MICU2: variants seen among roughly 807,000 people sequenced by gnomAD.
MICU2 encodes mitochondrial calcium uptake 2, also known as calcium uptake protein 2, mitochondrial.
MICU2 carries 64 observed loss-of-function variants against 60.4 expected under a neutral mutation model. That is an observed-to-expected ratio of 1.06 (90% CI 0.87 to 1.31). MICU2 has a LOEUF of 1.31. Among genes scored for constraint, MICU2 ranks in the 50% most tolerant of loss-of-function variants. The pLI, the probability that MICU2 is intolerant of heterozygous loss-of-function variation, is 0.00. For synonymous variants in MICU2, 201 were observed against 175.0 expected (o/e 1.15, Z -1.17); for missense variants, 569 against 531.0 (o/e 1.07, Z -0.70).
At chr13:21,507,458 T>C (rs1886316627) in intron 8 of MICU2, among the ~76,000 whole-genome samples, 2 of 152,126 alleles carry the variant, frequency 1.3e-5, no homozygotes, top group Admixed American at 1.3e-4. Flanking sequence ...TTAAAAAACA[T>C]TGAGAGACTG....
At chr13:21,505,457 C>G (rs982135701) in intron 8 of MICU2, among the ~76,000 whole-genome samples, 1 of 152,148 alleles carries the variant, frequency 6.6e-6, no homozygotes, top group African/African-American at 2.4e-5. Context: ...TTTAAATTAT[C>G]TGCTGCTTTC....
intron 4 of MICU2, among the ~76,000 whole-genome samples, chr13:21,528,867 T>G (rs899364054): frequency 6.6e-6 from 1 of 152,198 alleles, no homozygotes; most frequent in Non-Finnish European, 1.5e-5. Context: ...CTTGCGTTAA[T>G]TCTCCAATGA....
At chr13:21,533,505 A>G (rs1296918896) in intron 4 of MICU2, among the ~76,000 whole-genome samples, 1 of 150,982 alleles carries the variant, frequency 6.6e-6, no homozygotes, top group Non-Finnish European at 1.5e-5. Context: ...TTGTATTTTT[A>G]GTAGAGACGG....
At chr13:21,594,885 G>C (rs931785483) in intron 1 of MICU2, among the ~76,000 whole-genome samples, 2 of 152,224 alleles carry the variant, frequency 1.3e-5, no homozygotes, top group Non-Finnish European at 2.9e-5. Flanking sequence ...TTAGGGGGTG[G>C]GGATTGAGGG....
rs1304765244 is a variant in MICU2, at chr13:21,604,149, C to G, written c.-1G>C. 6.4e-7 allele frequency: 1 copy of G among 1,552,956 alleles called. No homozygotes were observed. The highest frequency in any genetic ancestry group is 1.4e-5 in the African/African-American group (1 of 71,926). The stretch of plus-strand genomic sequence containing the variant: ...CGCAGCTACCCGCAGCCGCCGCCAT[C>G]TTTGCGGAAGCGCAGCTAGGCGGCG... On this transcript the variant is annotated 5_prime_UTR_variant, in exon 1 of 12. Coordinates refer to ENST00000382374, the MANE Select transcript of MICU2 (RefSeq NM_152726.3).
At chr13:21,565,303 G>A (rs564187348) in intron 2 of MICU2, among the ~76,000 whole-genome samples, 1 of 152,158 alleles carries the variant, frequency 6.6e-6, no homozygotes, top group Admixed American at 6.5e-5. Flanking sequence ...CAAGGGGGGT[G>A]GATTACCTGA....
Position 21,493,035 on chromosome 13 carries a change from AG to A in MICU2, c.*213del. The A allele has an allele frequency of 2.9e-6, 1 of 343,492 alleles. No individual in the cohort carries two copies. The highest frequency in any genetic ancestry group is 5.2e-6 in the Non-Finnish European group (1 of 191,090). 21.3% of individuals were successfully genotyped at this position (343,492 alleles called of 1,614,324 possible). ...AAGTACAAAACATTATTTCAAATCT[AG>A]GCCTTCTGACAGAATCCAATATCTA... On this transcript the variant is annotated 3_prime_UTR_variant, in exon 12 of 12. Coordinates refer to ENST00000382374, the MANE Select transcript of MICU2 (RefSeq NM_152726.3).
chr13:21,525,133 T>C (rs1886816435), intron 4 of MICU2, among the ~76,000 whole-genome samples: 2 of 150,774 alleles, frequency 1.3e-5, no homozygotes, highest in Admixed American at 1.3e-4. Context: ...TTTGGGTATA[T>C]ACCCAGAAGC....
intron 8 of MICU2, among the ~76,000 whole-genome samples, chr13:21,505,664 A>G (rs759036658): frequency 2.0e-5 from 3 of 152,174 alleles, no homozygotes; most frequent in Non-Finnish European, 4.4e-5. Flanking sequence ...TCTACTGTAT[A>G]TGACTGTCCT....
intron 9 of MICU2, among the ~76,000 whole-genome samples, chr13:21,497,243 T>TA (rs1376475261): frequency 6.7e-6 from 1 of 149,756 alleles, no homozygotes; most frequent in African/African-American, 2.5e-5. Flanking sequence ...TGCACACCTG[T>TA]AGTCCCAGCT....
chr13:21,594,649 T>C (rs181725546), intron 1 of MICU2, among the ~76,000 whole-genome samples: 46 of 152,170 alleles, frequency 3.0e-4, no homozygotes, highest in African/African-American at 8.4e-4. Flanking sequence ...CAATGACAGA[T>C]TGAATAAAGA....
chr13:21,524,547 G>A (rs1886802024), intron 4 of MICU2, among the ~76,000 whole-genome samples: 1 of 152,176 alleles, frequency 6.6e-6, no homozygotes, highest in Admixed American at 6.5e-5. Flanking sequence ...GTGTTCAAAT[G>A]AGCATCCAAA....
At chr13:21,547,883 T>C (rs1281036491) in intron 2 of MICU2, among the ~76,000 whole-genome samples, 2 of 152,078 alleles carry the variant, frequency 1.3e-5, no homozygotes, top group Non-Finnish European at 2.9e-5. Flanking sequence ...AAACAAGGAA[T>C]ATTATGGGTC....
At chr13:21,603,625 G>C in intron 1 of MICU2, 1 of 403,918 alleles carries the variant, frequency 2.5e-6, no homozygotes, top group South Asian at 4.1e-5. Context: ...TAGGAGCCTC[G>C]AATTAAGACA....
intron 6 of MICU2, 102 bp downstream of exon 6, chr13:21,521,143 T>C (rs1003742807): frequency 2.1e-6 from 2 of 936,760 alleles, no homozygotes; most frequent in East Asian, 2.6e-5. Context: ...ATAGTTCATA[T>C]GTAAACAATG....
At position 21,541,228 on chromosome 13, in the gene MICU2, C is replaced by G. The variant is rs1168671025; in HGVS notation, c.359-1540G>C. ...TGTTATCTGTTTGAAGGCTAGATTC[C>G]TTTTTGGTCTTTCAAAAATCTGTTA... On this transcript the variant is annotated intron_variant, in intron 2 of 11. Coordinates refer to ENST00000382374, the MANE Select transcript of MICU2 (RefSeq NM_152726.3). Among the ~76,000 whole-genome samples, 4 of 151,786 alleles carry G rather than the reference C, an allele frequency of 2.6e-5. No homozygotes were observed. In the East Asian group the frequency reaches 7.7e-4, roughly 29 times the overall value.
chr13:21,498,008 G>A, intron 9 of MICU2, among the ~76,000 whole-genome samples: 1 of 152,042 alleles, frequency 6.6e-6, no homozygotes. Context: ...TCCCACCTTA[G>A]CCTCAGAAAG....
intron 1 of MICU2, among the ~76,000 whole-genome samples, chr13:21,587,795 G>C (rs1312302145): frequency 2.0e-5 from 3 of 152,158 alleles, no homozygotes; most frequent in Non-Finnish European, 4.4e-5. Context: ...ATGAATAAAA[G>C]CTGAATAGTT....
intron 1 of MICU2, among the ~76,000 whole-genome samples, chr13:21,590,197 G>A (rs1268114004): frequency 1.3e-5 from 2 of 152,060 alleles, no homozygotes; most frequent in East Asian, 1.9e-4. Context: ...CAGAGAGAAA[G>A]GCCAAGTCAC....
Sources: allele counts gnomAD v4.1 joint callset (sites outside exome capture counted in the v4.1 genomes callset), GRCh38; gene constraint gnomAD v4.1.1; transcripts MANE v1.5; gene names NCBI Gene and HGNC (gene_info 2026-07-23, HGNC 2026-07-21).